KCNN2: variants seen among roughly 807,000 people sequenced by gnomAD.
KCNN2 encodes potassium calcium-activated channel subfamily N member 2.
A neutral mutation model predicts 55.5 loss-of-function variants in KCNN2; 24 were observed. The ratio of observed to expected loss-of-function variants is 0.43; its 90% CI spans 0.31 to 0.61. The LOEUF is 0.61. KCNN2 is among the 20% of genes least tolerant of loss of function. The probability of loss-of-function intolerance (pLI) is 0.08; values close to 1 mark genes in which losing one functional copy is unlikely to be tolerated. For missense variants in KCNN2, 754 were observed against 853.6 expected (o/e 0.88, Z 1.45); for synonymous variants, 431 against 336.1 (o/e 1.28, Z -3.09).
At chr5:114,370,163 A>C (rs906865168) in intron 2 of KCNN2, among the ~76,000 whole-genome samples, 2 of 152,150 alleles carry the variant, frequency 1.3e-5, no homozygotes, top group Admixed American at 1.3e-4. Context: ...CCAGTATCCC[A>C]CCCAGCATGA....
chr5:114,241,718 ATACGTATATATATACATATATACG>A (rs1754627088), intron 2 of KCNN2, among the ~76,000 whole-genome samples: 1 of 116,550 alleles, frequency 8.6e-6, no homozygotes, highest in Non-Finnish European at 1.8e-5. Context: ...ATATATATAT[ATACGTATATATATACATATATACG>A]TATATATATG....
chr5:114,447,226 T>C (rs1328527265), intron 3 of KCNN2, among the ~76,000 whole-genome samples: 1 of 152,214 alleles, frequency 6.6e-6, no homozygotes, highest in African/African-American at 2.4e-5. Flanking sequence ...GCTGGGCACA[T>C]AGTAATTCTT....
rs140736959 is a variant in KCNN2, at chr5:114,141,766, G to A, written c.-270-79714G>A. 5.2e-3 allele frequency among the ~76,000 whole-genome samples: 786 copies of A among 152,196 alleles called. 7 individuals carry two copies. Among genetic ancestry groups the A allele is most frequent in the African/African-American group, 0.018 (746 of 41,520 alleles). On this transcript the variant is annotated intron_variant, in intron 1 of 10. Transcript: ENST00000512097. ...CCACCAGCAGTGTAAAAGTGTTCCT[G>A]TTTCTCCACATCCTCTCCAGCACCT...
chr5:114,141,612 A>C (rs997001945), intron 1 of KCNN2, among the ~76,000 whole-genome samples: 28 of 152,216 alleles, frequency 1.8e-4, no homozygotes, highest in African/African-American at 6.8e-4. Flanking sequence ...GTTTCTTTAT[A>C]GCAGCATGAT....
At chr5:114,492,164 C>T (rs1287602776) in intron 6 of KCNN2, among the ~76,000 whole-genome samples, 1 of 152,132 alleles carries the variant, frequency 6.6e-6, no homozygotes, top group Admixed American at 6.6e-5. Flanking sequence ...TACATCTTCA[C>T]TGTAGAGCAG....
intron 2 of KCNN2, among the ~76,000 whole-genome samples, chr5:114,342,190 T>C (rs1757029404): frequency 6.8e-6 from 1 of 146,078 alleles, no homozygotes; most frequent in Non-Finnish European, 1.5e-5. Flanking sequence ...CGTGAACCAC[T>C]GTGCCCGGCC....
intron 2 of KCNN2, among the ~76,000 whole-genome samples, chr5:114,268,883 GAACAA>G (rs1755261073): frequency 6.6e-6 from 1 of 151,512 alleles, no homozygotes; most frequent in Admixed American, 6.6e-5. Flanking sequence ...CAGGCAGCAG[GAACAA>G]AACAAGAGAG....
intron 2 of KCNN2, among the ~76,000 whole-genome samples, chr5:114,328,702 G>A (rs1756753994): frequency 6.6e-6 from 1 of 152,128 alleles, no homozygotes; most frequent in African/African-American, 2.4e-5. Context: ...CACCTTTCCT[G>A]TGGGAAGCTG....
At chr5:114,393,570 C>T (rs1758520385) in intron 2 of KCNN2, among the ~76,000 whole-genome samples, 1 of 151,964 alleles carries the variant, frequency 6.6e-6, no homozygotes, top group Admixed American at 6.6e-5. Context: ...CATTTACTCA[C>T]ATCTCCAAAG....
At chr5:114,327,069 A>T (rs1756727530) in intron 2 of KCNN2, among the ~76,000 whole-genome samples, 1 of 152,216 alleles carries the variant, frequency 6.6e-6, no homozygotes. Context: ...AAGTGTGATG[A>T]AAACAGGAAA....
intron 1 of KCNN2, among the ~76,000 whole-genome samples, chr5:114,217,495 A>C (rs1754030799): frequency 6.6e-6 from 1 of 152,168 alleles, no homozygotes; most frequent in Non-Finnish European, 1.5e-5. Flanking sequence ...AAGACAATAG[A>C]ATGGAGTGAA....
intron 3 of KCNN2, among the ~76,000 whole-genome samples, chr5:114,453,582 C>A (rs539896094): frequency 1.3e-5 from 2 of 152,108 alleles, no homozygotes; most frequent in Non-Finnish European, 2.9e-5. Flanking sequence ...TAGAAGAACA[C>A]TATTTCTTTT....
At chr5:114,096,260 C>G (rs1751253055) in intron 1 of KCNN2, among the ~76,000 whole-genome samples, 1 of 152,142 alleles carries the variant, frequency 6.6e-6, no homozygotes, top group South Asian at 2.1e-4. Flanking sequence ...GGCATTTAAA[C>G]TGCTTAACAC....
At chr5:114,084,012 C>G (rs1750959704) in intron 1 of KCNN2, among the ~76,000 whole-genome samples, 1 of 152,030 alleles carries the variant, frequency 6.6e-6, no homozygotes, top group Admixed American at 6.6e-5. Flanking sequence ...CTCCATAGCT[C>G]ACTTATTTTT....
chr5:114,151,015 G>A (rs1360057402), intron 1 of KCNN2, among the ~76,000 whole-genome samples: 3 of 152,008 alleles, frequency 2.0e-5, no homozygotes, highest in Non-Finnish European at 2.9e-5. Flanking sequence ...GAGTGAAACT[G>A]TGTCTCAAAA....
chr5:114,491,795 C>T (rs1325610056), intron 6 of KCNN2, among the ~76,000 whole-genome samples: 1 of 152,066 alleles, frequency 6.6e-6, no homozygotes, highest in Non-Finnish European at 1.5e-5. Flanking sequence ...CACTGTTGTA[C>T]ACTGCTCTTT....
At chr5:114,459,808 A>G (rs1235997826) in intron 3 of KCNN2, among the ~76,000 whole-genome samples, 1 of 152,250 alleles carries the variant, frequency 6.6e-6, no homozygotes, top group Admixed American at 6.5e-5. Context: ...TCTTCAATAC[A>G]GGATGACAAT....
intron 4 of KCNN2, among the ~76,000 whole-genome samples, chr5:114,469,200 C>T (rs1029029773): frequency 2.9e-4 from 44 of 152,138 alleles, no homozygotes; most frequent in African/African-American, 1.0e-3. Context: ...GGGTAGTAAA[C>T]GTTAACAACA....
chr5:114,283,289 C>G (rs1421814388), intron 2 of KCNN2, among the ~76,000 whole-genome samples: 2 of 152,016 alleles, frequency 1.3e-5, no homozygotes, highest in Non-Finnish European at 2.9e-5. Flanking sequence ...GATAAATCAT[C>G]TAGTTTATTA....
Sources: gnomAD v4.1 joint callset for allele counts (sites outside exome capture counted in the v4.1 genomes callset) on GRCh38, gnomAD v4.1.1 for gene constraint, MANE v1.5 for transcripts, NCBI Gene and HGNC (gene_info 2026-07-23, HGNC 2026-07-21) for gene names.